NTNG1: variants seen among roughly 807,000 people sequenced by gnomAD.
NTNG1 encodes netrin G1, also known as netrin-G1.
A neutral mutation model predicts 54.0 loss-of-function variants in NTNG1; 16 were observed. The ratio of observed to expected loss-of-function variants is 0.30; its 90% CI spans 0.20 to 0.45. NTNG1 has a LOEUF of 0.45. Among genes scored for constraint, NTNG1 ranks in the 20% least tolerant of loss-of-function variants. The pLI is 1.00. For missense variants in NTNG1, 530 were observed against 678.7 expected (o/e 0.78, Z 2.43); for synonymous variants, 255 against 263.1 (o/e 0.97, Z 0.30).
At chr1:107,260,169 A>G (rs148537855) in intron 2 of NTNG1, among the ~76,000 whole-genome samples, 7 of 152,342 alleles carry the variant, frequency 4.6e-5, no homozygotes, top group African/African-American at 7.2e-5. Flanking sequence ...TCACGATACT[A>G]GTGTTCTGTG....
At chr1:107,159,905 G>A (rs75489764) in intron 2 of NTNG1, among the ~76,000 whole-genome samples, 9 of 152,110 alleles carry the variant, frequency 5.9e-5, no homozygotes, top group Admixed American at 5.2e-4. Context: ...TTCCATTAAC[G>A]TGTTCATATA....
At chr1:107,176,494 A>C (rs1343413415) in intron 2 of NTNG1, among the ~76,000 whole-genome samples, 1 of 152,162 alleles carries the variant, frequency 6.6e-6, no homozygotes, top group Non-Finnish European at 1.5e-5. Context: ...TCTGTTTGAC[A>C]AAGTATGAAT....
intron 2 of NTNG1, among the ~76,000 whole-genome samples, chr1:107,305,305 T>C (rs1168201878): frequency 6.6e-6 from 1 of 152,218 alleles, no homozygotes; most frequent in African/African-American, 2.4e-5. Flanking sequence ...CCTTGAGGAA[T>C]CGCCACACTG....
At chr1:107,436,937 C>A in intron 7 of NTNG1, 138 bp downstream of exon 7, 1 of 720,548 alleles carries the variant, frequency 1.4e-6, no homozygotes, top group Non-Finnish European at 2.1e-6. Flanking sequence ...AATGCTGCGG[C>A]CAATGTATTG....
Position 107,329,856 on chromosome 1 carries a change from T to C in NTNG1, c.887+4934T>C, listed in dbSNP as rs80018334. Among the ~76,000 whole-genome samples the C allele has an allele frequency of 8.2e-3, 1,249 of 152,120 alleles. 21 individuals are homozygous for C. Among genetic ancestry groups the C allele is most frequent in the African/African-American group, 0.029 (1,203 of 41,484 alleles). ...GATGCACCAAGCATAGTCTCTGCTC[T>C]TAAGGAGCTGATATCCAGAAGGGAC... is the stretch of plus-strand genomic sequence containing the variant. On this transcript the variant is annotated intron_variant, in intron 3 of 7. Transcript: ENST00000370068.
intron 3 of NTNG1, among the ~76,000 whole-genome samples, chr1:107,332,693 C>T (rs1334656159): frequency 6.6e-6 from 1 of 151,954 alleles, no homozygotes. Context: ...ATTCATTCTC[C>T]AAATAAATAC....
At chr1:107,408,848 T>A (rs1673614179) in intron 5 of NTNG1, 1 of 152,118 alleles carries the variant, frequency 6.6e-6, no homozygotes, top group Admixed American at 6.6e-5. Context: ...ATTCCCAGCA[T>A]CCATCTAAAA....
At chr1:107,356,565 A>G (rs1214414781) in intron 3 of NTNG1, among the ~76,000 whole-genome samples, 3 of 151,974 alleles carry the variant, frequency 2.0e-5, no homozygotes, top group Non-Finnish European at 4.4e-5. Context: ...AAGTGCTGGG[A>G]TTACAGGTGT....
rs996165524 is a variant in NTNG1 at position 107,401,891 on chromosome 1, C to G, written c.1061-5791C>G. 8.6e-5 allele frequency among the ~76,000 whole-genome samples: 13 copies of G among 151,946 alleles called. 1 individual carries two copies. Among genetic ancestry groups the G allele is most frequent in the African/African-American group, 2.9e-4 (12 of 41,338 alleles). On this transcript the variant is annotated intron_variant, in intron 4 of 7. Coordinates refer to ENST00000370068, the MANE Select transcript of NTNG1 (RefSeq NM_001113226.3). Reference sequence around the variant, plus strand: ...AGTTTCCTCCATCTGTAAAATCAGCCTGATTATTGACGTCATAGGATGGTC... The same window carrying G: ...AGTTTCCTCCATCTGTAAAATCAGCGTGATTATTGACGTCATAGGATGGTC...
At chr1:107,284,667 A>T (rs1001457401) in intron 2 of NTNG1, among the ~76,000 whole-genome samples, 3 of 152,098 alleles carry the variant, frequency 2.0e-5, no homozygotes, top group Non-Finnish European at 2.9e-5. Context: ...TGTGTTTTTT[A>T]AAAAATATGC....
chr1:107,340,654 C>T (rs1022915225), intron 3 of NTNG1, among the ~76,000 whole-genome samples: 2 of 152,020 alleles, frequency 1.3e-5, no homozygotes, highest in Non-Finnish European at 2.9e-5. Context: ...GGAAATTACA[C>T]ACCACAGGTA....
At chr1:107,276,661 G>C (rs1378548345) in intron 2 of NTNG1, among the ~76,000 whole-genome samples, 2 of 151,912 alleles carry the variant, frequency 1.3e-5, no homozygotes, top group Non-Finnish European at 2.9e-5. Context: ...TCAAAGACGA[G>C]GTCATATTCA....
chr1:107,317,686 A>G (rs1667413285), intron 2 of NTNG1, among the ~76,000 whole-genome samples: 1 of 152,132 alleles, frequency 6.6e-6, no homozygotes, highest in Admixed American at 6.6e-5. Context: ...ATAATCTGTG[A>G]TAGGGCTTCC....
chr1:107,484,005 T>C lies in NTNG1; in HGVS notation c.*3165T>C, dbSNP rs537723815. On this transcript the variant is annotated 3_prime_UTR_variant, in exon 8 of 8. Transcript: ENST00000370068. ...CTCTCCTCCAGCTTTCTCCCAGATA[T>C]CAGGAACCTAGAGTTTCCTACTCAG... 3.9e-5 allele frequency among the ~76,000 whole-genome samples: 6 copies of C among 152,306 alleles called. No homozygotes were observed. The East Asian group carries it at 1.2e-3, about 29-fold the overall frequency.
chr1:107,473,062 G>A (rs528264675), intron 7 of NTNG1, among the ~76,000 whole-genome samples: 1 of 152,114 alleles, frequency 6.6e-6, no homozygotes, highest in Non-Finnish European at 1.5e-5. Context: ...TGAAAAGGAC[G>A]GGAACAATTT....
chr1:107,157,575 C>A (rs1167110414), intron 2 of NTNG1, among the ~76,000 whole-genome samples: 1 of 152,050 alleles, frequency 6.6e-6, no homozygotes, highest in Non-Finnish European at 1.5e-5. Context: ...TATCTTATTC[C>A]CACCATCTGT....
chr1:107,436,115 G>A (rs1675578105), intron 6 of NTNG1, among the ~76,000 whole-genome samples: 1 of 152,132 alleles, frequency 6.6e-6, no homozygotes, highest in South Asian at 2.1e-4. Context: ...GCATTAATAT[G>A]CCTAGCAAAT....
At chr1:107,204,132 T>A (rs545810705) in intron 2 of NTNG1, among the ~76,000 whole-genome samples, 41 of 152,204 alleles carry the variant, frequency 2.7e-4, no homozygotes, top group African/African-American at 9.6e-4. Context: ...CTGTTTTGTT[T>A]TGTTTTGTTT....
intron 2 of NTNG1, among the ~76,000 whole-genome samples, chr1:107,206,850 G>C (rs1659231003): frequency 6.6e-6 from 1 of 152,116 alleles, no homozygotes; most frequent in South Asian, 2.1e-4. Flanking sequence ...CCTAGATTAA[G>C]TGCTGGTTTT....
Sources: gnomAD v4.1 joint callset for allele counts (sites outside exome capture counted in the v4.1 genomes callset) on GRCh38, gnomAD v4.1.1 for gene constraint, MANE v1.5 for transcripts, NCBI Gene and HGNC (gene_info 2026-07-23, HGNC 2026-07-21) for gene names.